Variants in SGCG observed in about 807,000 individuals in gnomAD.
The protein encoded by SGCG is gamma-sarcoglycan.
Under a neutral mutation model 29.3 loss-of-function variants are expected in SGCG, and 26 were observed. The observed-to-expected ratio is 0.89, with a 90% CI of 0.65 to 1.23. SGCG has a LOEUF of 1.23. Among genes scored for constraint, SGCG ranks in the 50% most tolerant of loss-of-function variants. The pLI is 0.00. For missense variants in SGCG, 353 were observed against 356.0 expected (o/e 0.99, Z 0.07); for synonymous variants, 145 against 129.7 (o/e 1.12, Z -0.80).
chr13:23,278,642 G>A (rs1881181740), intron 4 of SGCG, among the ~76,000 whole-genome samples: 1 of 152,098 alleles, frequency 6.6e-6, no homozygotes, highest in South Asian at 2.1e-4. Flanking sequence ...GTGAGTGGGA[G>A]GTGTGACCTC....
intron 6 of SGCG, among the ~76,000 whole-genome samples, chr13:23,299,056 A>G (rs1345757266): frequency 6.6e-6 from 1 of 152,154 alleles, no homozygotes; most frequent in African/African-American, 2.4e-5. Context: ...GTTTCATTTA[A>G]TTATGAAGTG....
chr13:23,234,688 T>C lies in SGCG; in HGVS notation c.273T>C (p.Tyr91=). 6.2e-7 allele frequency: 1 copy of C among 1,607,932 alleles called. No homozygotes were observed. Among genetic ancestry groups the C allele is most frequent in the African/African-American group, 1.3e-5 (1 of 74,842 alleles). The change falls in exon 3 of 8, where the codon TAT becomes TAC. Residue 91 remains tyrosine (Y), a synonymous_variant. Coordinates refer to ENST00000218867, the MANE Select transcript of SGCG (RefSeq NM_000231.3). ...AATCAGAATTTTTATTCCCATTGTA[T>C]GCCAAAGAAATACACTCCAGAGTGG... ...EGESEFLFPL[Y]AKEIHSRVDS...
intron 1 of SGCG, among the ~76,000 whole-genome samples, chr13:23,192,260 T>C (rs1470093057): frequency 6.6e-6 from 1 of 152,210 alleles, no homozygotes; most frequent in Non-Finnish European, 1.5e-5. Flanking sequence ...TTAAAGGGTC[T>C]GGAAGTAATA....
intron 4 of SGCG, among the ~76,000 whole-genome samples, chr13:23,255,264 A>G (rs1880135568): frequency 1.3e-5 from 2 of 152,352 alleles, no homozygotes; most frequent in South Asian, 2.1e-4. Flanking sequence ...TTGAGGTGCC[A>G]TCTTATTGCC....
upstream of SGCG, among the ~76,000 whole-genome samples, chr13:23,176,844 G>C (rs1035192463): frequency 1.3e-5 from 2 of 152,002 alleles, no homozygotes; most frequent in Non-Finnish European, 2.9e-5. Context: ...TTGTGGTTTA[G>C]AGGTTTTCTG....
chr13:23,252,639 C>T (rs994932441), intron 4 of SGCG, among the ~76,000 whole-genome samples: 2 of 152,026 alleles, frequency 1.3e-5, no homozygotes, highest in Non-Finnish European at 2.9e-5. Context: ...TGCAGTGAGC[C>T]AAGATCGCAT....
Position 23,252,669 on chromosome 13 carries a change from C to T in SGCG, c.385+1952C>T, listed in dbSNP as rs180703914. Among the ~76,000 whole-genome samples the T allele has an allele frequency of 1.2e-3, 188 of 151,972 alleles. 5 individuals carry two copies. In the East Asian group the frequency reaches 0.028, roughly 23 times the overall value. On this transcript the variant is annotated intron_variant, in intron 4 of 7. Transcript: ENST00000218867. ...TCGCATCACTGCACTCCAGCCTGGG[C>T]GACAGAGTGAGACTGTGTCTCAAAA...
chr13:23,262,406 A>C (rs1880475213), intron 4 of SGCG, among the ~76,000 whole-genome samples: 1 of 152,022 alleles, frequency 6.6e-6, no homozygotes, highest in Admixed American at 6.6e-5. Context: ...AAACAAAACC[A>C]AAAAATGTAG....
chr13:23,199,943 A>G (rs1877673689), intron 1 of SGCG, among the ~76,000 whole-genome samples: 1 of 152,086 alleles, frequency 6.6e-6, no homozygotes, highest in Non-Finnish European at 1.5e-5. Flanking sequence ...CAGGCTCCCC[A>G]TTTTTGGGCA....
rs1292154025 is a variant in SGCG, at chr13:23,181,084, T to C, written c.-1+9T>C. ...TTTTCTTAATATCTAAGGTAAGTGC[T>C]CAGTTTTAACTTAGATTTTATATCA... On this transcript the variant is annotated intron_variant, in intron 1 of 7. Transcript: ENST00000218867. 1 of 152,208 alleles carries C rather than the reference T, an allele frequency of 6.6e-6. No homozygotes were observed. The highest frequency in any genetic ancestry group is 6.5e-5 in the Admixed American group (1 of 15,284). 9.4% of individuals were successfully genotyped at this position (152,208 alleles called of 1,614,324 possible).
At chr13:23,284,467 G>A (rs2137626104) in intron 5 of SGCG, among the ~76,000 whole-genome samples, 1 of 152,150 alleles carries the variant, frequency 6.6e-6, no homozygotes, top group South Asian at 2.1e-4. Flanking sequence ...GGTCATTTAT[G>A]TTCTTCTCTA....
At chr13:23,213,691 T>TA (rs1184255197) in intron 2 of SGCG, among the ~76,000 whole-genome samples, 2 of 152,234 alleles carry the variant, frequency 1.3e-5, no homozygotes, top group African/African-American at 4.8e-5. Context: ...TTAAAAAACT[T>TA]ACTGTGATAG....
At chr13:23,309,038 G>T (rs1237148884) in intron 6 of SGCG, among the ~76,000 whole-genome samples, 10 of 151,798 alleles carry the variant, frequency 6.6e-5, no homozygotes. Flanking sequence ...AATATTTTAT[G>T]ATATTCTCCA....
In SGCG at chr13:23,225,740, C is replaced by T. The variant is rs150885181; in HGVS notation, c.196-8871C>T. Among the ~76,000 whole-genome samples the T allele has an allele frequency of 2.7e-3, 416 of 151,852 alleles. 1 individual carries two copies. The highest frequency in any genetic ancestry group is 9.7e-3 in the African/African-American group (402 of 41,358). ...TCCAGAGCCAGATATGCTCACTGCT[C>T]TTGTGATTCTGCTCCCAGGCCCTCT... On this transcript the variant is annotated intron_variant, in intron 2 of 7. Coordinates refer to ENST00000218867, the MANE Select transcript of SGCG (RefSeq NM_000231.3).
chr13:23,324,588 C>A lies in SGCG; in HGVS notation c.*47C>A. On this transcript the variant is annotated 3_prime_UTR_variant, in exon 8 of 8. Transcript: ENST00000218867. ...AGCTGTGCAGTGCCGGCCCCAGATC[C>A]TCACACCCAGGGAGCAGCTGCACAT... 2.6e-6 allele frequency: 4 copies of A among 1,542,074 alleles called. No individual in the cohort carries two copies. The highest frequency in any genetic ancestry group is 1.1e-5 in the South Asian group (1 of 89,310).
rs1453988301 is a variant in SGCG, at chr13:23,320,604, T to TG, written c.579-33_579-32insG. The TG allele has an allele frequency of 9.8e-5, 147 of 1,504,058 alleles. 1 individual carries two copies. The highest frequency in any genetic ancestry group is 5.3e-4 in the Middle Eastern group (3 of 5,654). The allele number at this position is 1,504,058 out of a possible 1,614,324, so 93.2% of individuals were successfully genotyped here. ...GAGTGGCTATTTTTAATACTTTTTT[T>TG]TTTTTTTTTTGTGCTTCTTTTCCTC... is the stretch of plus-strand genomic sequence containing the variant. On this transcript the variant is annotated intron_variant, in intron 6 of 7. Coordinates refer to ENST00000218867, the MANE Select transcript of SGCG (RefSeq NM_000231.3).
At chr13:23,253,471 G>A (rs773826816) in intron 4 of SGCG, among the ~76,000 whole-genome samples, 5 of 152,170 alleles carry the variant, frequency 3.3e-5, no homozygotes, top group Non-Finnish European at 4.4e-5. Flanking sequence ...ACTTCCCACA[G>A]TTGCAACCCT....
At chr13:23,163,228 T>C in the SGCG span, among the ~76,000 whole-genome samples, 1 of 152,204 alleles carries the variant, frequency 6.6e-6, no homozygotes, top group South Asian at 2.1e-4. Context: ...AATTAGGAAA[T>C]AAAATTAACT....
At chr13:23,285,028 G>C (rs1048006057) in intron 5 of SGCG, among the ~76,000 whole-genome samples, 1 of 152,208 alleles carries the variant, frequency 6.6e-6, no homozygotes, top group African/African-American at 2.4e-5. Context: ...GAGCTCTCCT[G>C]TATGAGGTGT....
Sources: allele counts gnomAD v4.1 joint callset (sites outside exome capture counted in the v4.1 genomes callset), GRCh38; gene constraint gnomAD v4.1.1; transcripts MANE v1.5; gene names NCBI Gene and HGNC (gene_info 2026-07-23, HGNC 2026-07-21).